Variants in MYH9 observed in about 807,000 individuals in gnomAD.
MYH9 encodes the protein myosin heavy chain 9.
A neutral mutation model predicts 241.9 loss-of-function variants in MYH9; 29 were observed. The observed-to-expected ratio is 0.12, with a 90% CI of 0.09 to 0.16. The LOEUF is 0.16. MYH9 is among the 10% of genes least tolerant of loss of function. The pLI is 1.00. For missense variants in MYH9, 1,803 were observed against 2,595.5 expected (o/e 0.69, Z 6.63); for synonymous variants, 1,047 against 1,062.6 (o/e 0.99, Z 0.29).
At chr22:36,334,505 G>A (rs147257713) in intron 3 of MYH9, among the ~76,000 whole-genome samples, 32 of 152,380 alleles carry the variant, frequency 2.1e-4, no homozygotes, top group Admixed American at 1.7e-3. Flanking sequence ...CCAGGACCGC[G>A]TCTGCTATCG....
At chr22:36,355,999 C>T (rs949848548) in intron 1 of MYH9, among the ~76,000 whole-genome samples, 3 of 152,178 alleles carry the variant, frequency 2.0e-5, no homozygotes. Context: ...CTTGGGTGAG[C>T]CATTTGAGTT....
At chr22:36,379,056 G>A (rs2018215392) in intron 1 of MYH9, among the ~76,000 whole-genome samples, 1 of 152,116 alleles carries the variant, frequency 6.6e-6, no homozygotes, top group African/African-American at 2.4e-5. Context: ...AGTAGGGAGG[G>A]TTTTCATTGT....
In MYH9 at chr22:36,295,410, G is replaced by A; in HGVS notation, c.3485+95C>T. 1 of 982,838 alleles carries A rather than the reference G, an allele frequency of 1.0e-6. No homozygotes were observed. Among genetic ancestry groups the A allele is most frequent in the Non-Finnish European group, 1.6e-6 (1 of 632,790 alleles). 60.9% of individuals were successfully genotyped at this position (982,838 alleles called of 1,614,324 possible). ...TGCCTAAGAGGGCCACGGTGTGTGT[G>A]TGTGTGTGTGTGCAGAGGCCCGGGG... On this transcript the variant is annotated intron_variant, in intron 26 of 40. Coordinates refer to ENST00000216181, the MANE Select transcript of MYH9 (RefSeq NM_002473.6). The surrounding 1 kb of genome is among the most constrained non-coding windows in gnomAD (Gnocchi z 4.1).
intron 3 of MYH9, among the ~76,000 whole-genome samples, chr22:36,337,352 C>T (rs564318701): frequency 2.0e-5 from 3 of 152,312 alleles, no homozygotes; most frequent in South Asian, 4.1e-4. Context: ...GTGAGAATCC[C>T]TGGCTTAGTC....
At position 36,349,219 on chromosome 22, in the gene MYH9, G is replaced by A. The variant is rs141055332; in HGVS notation, c.18C>T (p.Ala6=). The A allele has an allele frequency of 3.2e-4, 512 of 1,614,092 alleles. 1 individual carries two copies. The East Asian group carries it at 0.011, about 34-fold the overall frequency. MAQQA[A]DKYLYVDKNF... ...TTTTATCCACATAGAGATACTTATC[G>A]GCAGCTTGCTGTGCCATGGTGACTT... is the stretch of plus-strand genomic sequence containing the variant. Residue 6 remains alanine (A), a synonymous_variant, in exon 2 of 41, where the codon GCC becomes GCT. Coordinates refer to ENST00000216181, the MANE Select transcript of MYH9 (RefSeq NM_002473.6).
intron 35 of MYH9, among the ~76,000 whole-genome samples, chr22:36,286,207 G>A (rs545642265): frequency 6.6e-6 from 1 of 152,356 alleles, no homozygotes; most frequent in South Asian, 2.1e-4. Context: ...TAAGTAAGAA[G>A]TGTCCTGGCC....
chr22:36,321,881 AC>A lies in MYH9; in HGVS notation c.706-61del. 3 of 1,439,610 alleles carry A rather than the reference AC, an allele frequency of 2.1e-6. No individual in the cohort carries two copies. The South Asian group carries it at 3.4e-5, about 16-fold the overall frequency. 89.2% of individuals were successfully genotyped at this position (1,439,610 alleles called of 1,614,324 possible). On this transcript the variant is annotated intron_variant, in intron 6 of 40. Transcript: ENST00000216181. ...CCCCTGACATGGGGAGCTAGAGAGC[AC>A]GGGGGAGACCACAGCCCCCCGCCCC...
In MYH9 at chr22:36,293,588, G is replaced by A; in HGVS notation, c.3943-107C>T. On this transcript the variant is annotated intron_variant, in intron 29 of 40. Coordinates refer to ENST00000216181, the MANE Select transcript of MYH9 (RefSeq NM_002473.6). This position sits in a 1 kb window ranked among gnomAD's most constrained non-coding sequence, Gnocchi z 5.1. ...AGGAGCTGGTCCTGCTGATTTAGGG[G>A]ATGGCCACGTAAAGACCTGGAGGGA... 6.6e-7 allele frequency: 1 copy of A among 1,511,662 alleles called. No homozygotes were observed. Among genetic ancestry groups the A allele is most frequent in the Non-Finnish European group, 9.1e-7 (1 of 1,099,414 alleles). 93.6% of individuals were successfully genotyped at this position (1,511,662 alleles called of 1,614,324 possible).
intron 40 of MYH9, 95 bp from the exon 41 acceptor site, chr22:36,282,880 G>C (rs2146325609): frequency 9.0e-7 from 1 of 1,110,814 alleles, no homozygotes; most frequent in East Asian, 2.6e-5. Context: ...ATTCGAGAGG[G>C]AAACCAGGTG....
At chr22:36,316,427 A>C in intron 12 of MYH9, 90 bp downstream of exon 12, 1 of 1,587,914 alleles carries the variant, frequency 6.3e-7, no homozygotes, top group Non-Finnish European at 8.6e-7. Flanking sequence ...AGATCGATGC[A>C]GGACCATGAG....
At chr22:36,303,905 T>G in intron 19 of MYH9, 90 bp downstream of exon 19, 1 of 1,489,024 alleles carries the variant, frequency 6.7e-7, no homozygotes, top group Non-Finnish European at 9.2e-7. Context: ...TGTGACTGGC[T>G]GCAGCGGGGT....
chr22:36,349,002 T>C lies in MYH9; in HGVS notation c.235A>G (p.Lys79Glu). 1 of 1,614,250 alleles carries C rather than the reference T, an allele frequency of 6.2e-7. No individual in the cohort carries two copies. Among genetic ancestry groups the C allele is most frequent in the Non-Finnish European group, 8.5e-7 (1 of 1,180,046 alleles). The change falls in exon 2 of 41, where the codon AAG (lysine) becomes GAG (glutamate). Residue 79 changes from lysine to glutamate, a missense_variant. By Grantham distance (56) the Lys-to-Glu change is moderately conservative. Around this residue, in one of 11 missense-constraint regions of MYH9, gnomAD observed 72 missense variants for 134.3 expected, o/e 0.54. Coordinates refer to ENST00000216181, the MANE Select transcript of MYH9 (RefSeq NM_002473.6). ...GCCATGTCCTCCACCTTGGAGAACT[T>C]GGGCGGGTTCATCTTCTGGATGTCA... ...KDDIQKMNPP[K>E]FSKVEDMAEL...
Position 36,330,303 on chromosome 22 carries a change from T to C in MYH9, c.491-2815A>G, listed in dbSNP as rs1387313011. 2.6e-5 allele frequency among the ~76,000 whole-genome samples: 4 copies of C among 152,186 alleles called. 1 individual carries two copies. The highest frequency in any genetic ancestry group is 5.9e-5 in the Non-Finnish European group (4 of 68,028). On this transcript the variant is annotated intron_variant, in intron 3 of 40. Transcript: ENST00000216181. The surrounding 1 kb of genome is among the most constrained non-coding windows in gnomAD (Gnocchi z 4.5). Reference sequence around the variant, plus strand: ...ACTGCTGGGAGGCCTCCTCATTGCATCTCTTACCGCACTGCTTAGTATCCT... The same window carrying C: ...ACTGCTGGGAGGCCTCCTCATTGCACCTCTTACCGCACTGCTTAGTATCCT...
intron 5 of MYH9, 108 bp downstream of exon 5, chr22:36,326,460 C>T: frequency 9.3e-7 from 1 of 1,081,070 alleles, no homozygotes; most frequent in Non-Finnish European, 1.4e-6. Flanking sequence ...GCTTCATTCC[C>T]CAAAGCATCC....
chr22:36,299,165 G>C, intron 23 of MYH9, 123 bp from the exon 24 acceptor site: 1 of 1,322,488 alleles, frequency 7.6e-7, no homozygotes, highest in Admixed American at 1.7e-5. Context: ...GCTTGATCAA[G>C]TTCATTAGGA....
In MYH9 at chr22:36,282,784, G is replaced by A. The variant is rs753492355; in HGVS notation, c.5767C>T (p.Arg1923Cys). The A allele has an allele frequency of 5.0e-6, 8 of 1,608,776 alleles. No homozygotes were observed. The highest frequency in any genetic ancestry group is 1.7e-5 in the Admixed American group (1 of 59,854). Residue 1923 changes from arginine to cysteine, a missense_variant and splice_region_variant, in exon 41 of 41, where the codon CGC becomes TGC. Around this residue, in one of 11 missense-constraint regions of MYH9, gnomAD observed 876 missense variants for 1,077.8 expected, o/e 0.81. Transcript: ENST00000216181. ...GGCACGACAAACGGCAGGTCCCCGCGCCTGGGGGCAGAGGTAGAAGCAGAG... is the reference window on the plus strand; with the variant it reads ...GGCACGACAAACGGCAGGTCCCCGCACCTGGGGGCAGAGGTAGAAGCAGAG... Reference protein sequence around the residue: ...EVSSLKNKLRRGDLPFVVPRR... With the variant: ...EVSSLKNKLRCGDLPFVVPRR...
At chr22:36,349,863 C>G (rs1192332680) in intron 1 of MYH9, among the ~76,000 whole-genome samples, 10 of 152,138 alleles carry the variant, frequency 6.6e-5, no homozygotes, top group Non-Finnish European at 1.5e-5. Flanking sequence ...GCTACAGATA[C>G]AAAGGTAGCA....
Position 36,297,003 on chromosome 22 carries a change from T to G in MYH9, c.3112A>C (p.Arg1038=). The change falls in exon 25 of 41, where the codon AGG becomes CGG. Residue 1038 remains arginine (R), a synonymous_variant. Transcript: ENST00000216181. The part of the protein sequence containing the change: ...MITDLEERLR[R]EEKQRQELEK... ...AGCTCCTGTCGCTGCTTCTCCTCCC[T>G]GCGGAGGCGCTCTGCAATGCAGGGG... The G allele has an allele frequency of 6.2e-7, 1 of 1,613,994 alleles. No individual in the cohort carries two copies. Among genetic ancestry groups the G allele is most frequent in the Non-Finnish European group, 8.5e-7 (1 of 1,180,028 alleles).
At chr22:36,361,606 GTACA>G (rs1024824185) in intron 1 of MYH9, among the ~76,000 whole-genome samples, 1 of 152,162 alleles carries the variant, frequency 6.6e-6, no homozygotes. Flanking sequence ...CCAGAATGTG[GTACA>G]TAGAGTCCCT....
Sources: gnomAD v4.1 joint callset for allele counts (sites outside exome capture counted in the v4.1 genomes callset) on GRCh38, gnomAD v4.1.1 for gene constraint, gnomAD v4.1.1 regional missense constraint, Gnocchi (gnomAD v3.1) non-coding constraint, MANE v1.5 for transcripts, NCBI Gene and HGNC (gene_info 2026-07-23, HGNC 2026-07-21) for gene names.